The following GLRA2 variants were observed in gnomAD, a reference collection of about 807,000 sequenced individuals.
The protein encoded by GLRA2 is glycine receptor subunit alpha-2.
GLRA2 carries 11 observed loss-of-function variants against 31.6 expected under a neutral mutation model. That is an observed-to-expected ratio of 0.35 (90% confidence interval 0.22 to 0.58). The LOEUF is 0.58. GLRA2 is among the 20% of genes least tolerant of loss of function. GLRA2 has a pLI of 0.84. For synonymous variants in GLRA2, 132 were observed against 134.0 expected, an observed-to-expected ratio of 0.99 and a Z score of 0.10; for missense variants, 212 against 351.8, an observed-to-expected ratio of 0.60 and a Z score of 3.18.
chrX:14,539,770 C>T (rs749990827), intron 2 of GLRA2, among the ~76,000 whole-genome samples: 29 of 111,912 alleles, frequency 2.6e-4, no homozygotes, highest in Non-Finnish European at 4.1e-4. Context: ...GAAAAGGCAT[C>T]TTCACCTATC....
chrX:14,624,039 T>C (rs1443726633), intron 7 of GLRA2, among the ~76,000 whole-genome samples: 1 of 111,528 alleles, frequency 9.0e-6, no homozygotes, highest in Non-Finnish European at 1.9e-5. Flanking sequence ...CATTGGTCTA[T>C]TCAGGGATTC....
chrX:14,660,775 C>T (rs780068846), intron 7 of GLRA2, among the ~76,000 whole-genome samples: 1 of 111,646 alleles, frequency 9.0e-6, no homozygotes, highest in African/African-American at 3.3e-5. Flanking sequence ...AAATGTTTTG[C>T]GTAGTAACTG....
chrX:14,607,326 TTTGGAGTATACATCTCATTA>T (rs1485662736), intron 6 of GLRA2, 58 bp downstream of exon 6: 2 of 942,258 alleles, frequency 2.1e-6, no homozygotes, highest in African/African-American at 4.0e-5. Context: ...CCATTTGCAG[TTTGGAGTATACATCTCATTA>T]CTCTAATTGC....
At chrX:14,660,569 G>A (rs1211633638) in intron 7 of GLRA2, among the ~76,000 whole-genome samples, 1 of 111,518 alleles carries the variant, frequency 9.0e-6, no homozygotes, top group African/African-American at 3.3e-5. Flanking sequence ...ATTATAGACT[G>A]TGGGTGAACA....
chrX:14,480,079 A>G, the GLRA2 span, among the ~76,000 whole-genome samples: 2 of 111,410 alleles, frequency 1.8e-5, no homozygotes, highest in Non-Finnish European at 3.8e-5. Context: ...TTGTAAGATG[A>G]TATTTCATTG....
At chrX:14,532,197 TG>T in intron 1 of GLRA2, 41 bp from the exon 2 acceptor site, 1 of 1,015,316 alleles carries the variant, frequency 9.8e-7, no homozygotes, top group Non-Finnish European at 1.3e-6. Context: ...TCTCAAGGGA[TG>T]CAAATGAAAT....
the GLRA2 span, among the ~76,000 whole-genome samples, chrX:14,453,182 A>G: frequency 8.9e-6 from 1 of 111,975 alleles, no homozygotes; most frequent in African/African-American, 3.2e-5. Flanking sequence ...GAGGAGATAA[A>G]TGAGCACTAG....
At chrX:14,616,105 C>T (rs780344891) in intron 7 of GLRA2, among the ~76,000 whole-genome samples, 38 of 111,775 alleles carry the variant, frequency 3.4e-4, no homozygotes, top group Non-Finnish European at 6.6e-4. Flanking sequence ...TTCCCACCCT[C>T]AGAAAAGTAT....
intron 7 of GLRA2, among the ~76,000 whole-genome samples, chrX:14,630,009 A>T (rs187619559): frequency 1.4e-3 from 154 of 111,932 alleles, no homozygotes; most frequent in Non-Finnish European, 2.1e-3. Flanking sequence ...AATCTTCTGT[A>T]TTCACCTTGG....
chrX:14,476,907 G>A, the GLRA2 span, among the ~76,000 whole-genome samples: 1 of 112,062 alleles, frequency 8.9e-6, no homozygotes, highest in Non-Finnish European at 1.9e-5. Context: ...TGGCTGTGAA[G>A]AAAGAGGAAG....
chrX:14,682,950 T>C (rs1436140219), intron 7 of GLRA2, among the ~76,000 whole-genome samples: 5 of 111,659 alleles, frequency 4.5e-5, no homozygotes, highest in Non-Finnish European at 5.6e-5. Flanking sequence ...CAGTCTATCA[T>C]TGATGGACAT....
intron 8 of GLRA2, among the ~76,000 whole-genome samples, chrX:14,711,659 T>C (rs1395099707): frequency 1.8e-5 from 2 of 112,330 alleles, no homozygotes; most frequent in Non-Finnish European, 3.8e-5. Flanking sequence ...TTAATGTACA[T>C]TTCCCTGAAT....
At chrX:14,493,606 C>CTT in the GLRA2 span, among the ~76,000 whole-genome samples, 4 of 99,357 alleles carry the variant, frequency 4.0e-5, no homozygotes, top group African/African-American at 1.6e-4. Flanking sequence ...CATATATACA[C>CTT]ATATACACAT....
chrX:14,721,537 A>C (rs1215290014), intron 8 of GLRA2, among the ~76,000 whole-genome samples: 1 of 111,251 alleles, frequency 9.0e-6, no homozygotes, highest in Non-Finnish European at 1.9e-5. Flanking sequence ...TTTAGAGGAG[A>C]CAATCTGTAA....
Position 14,559,712 on chromosome X carries a change from C to G in GLRA2, c.203-14621C>G, listed in dbSNP as rs979572826. Reference sequence around the variant, plus strand: ...GGGATTATAGACATGAGCCACCGCACCCAGCTTTTTTTGTTTGTTTGTTTT... The same window carrying G: ...GGGATTATAGACATGAGCCACCGCAGCCAGCTTTTTTTGTTTGTTTGTTTT... On this transcript the variant is annotated intron_variant, in intron 2 of 8. Transcript: ENST00000218075. Among the ~76,000 whole-genome samples, 4 of 109,693 alleles carry G rather than the reference C, an allele frequency of 3.6e-5. No individual in the cohort carries two copies. In the Admixed American group the frequency reaches 3.9e-4, roughly 11 times the overall value.
At chrX:14,654,742 C>T (rs901598697) in intron 7 of GLRA2, among the ~76,000 whole-genome samples, 8 of 111,558 alleles carry the variant, frequency 7.2e-5, no homozygotes, top group Non-Finnish European at 1.3e-4. Flanking sequence ...TCCATTTTCA[C>T]ACTGCTGATA....
chrX:14,476,815 G>A, the GLRA2 span, among the ~76,000 whole-genome samples: 25 of 111,965 alleles, frequency 2.2e-4, no homozygotes, highest in South Asian at 7.4e-4. Flanking sequence ...TATTAGGTTC[G>A]TGCAAAAGAA....
At chrX:14,690,941 C>T (rs1291058738) in intron 8 of GLRA2, 82 bp downstream of exon 8, 10 of 1,015,279 alleles carry the variant, frequency 9.8e-6, no homozygotes, top group Middle Eastern at 2.6e-4. Flanking sequence ...GAAGAGCACA[C>T]AATAAGCAAG....
the GLRA2 span, among the ~76,000 whole-genome samples, chrX:14,471,654 C>T: frequency 0.035 from 3,882 of 111,982 alleles, 177 homozygotes; most frequent in African/African-American, 0.12. Flanking sequence ...AAAACTGATA[C>T]ATATAGATGG....
Sources: gnomAD v4.1 joint callset for allele counts (sites outside exome capture counted in the v4.1 genomes callset) on GRCh38, gnomAD v4.1.1 for gene constraint, MANE v1.5 for transcripts, NCBI Gene and HGNC (gene_info 2026-07-23, HGNC 2026-07-21) for gene names.